Variants in PXDNL observed in about 807,000 individuals in gnomAD.
PXDNL encodes the protein peroxidasin like.
Under a neutral mutation model 150.8 loss-of-function variants are expected in PXDNL, and 145 were observed. The ratio of observed to expected loss-of-function variants is 0.96; its 90% CI spans 0.84 to 1.10. The LOEUF is 1.10. PXDNL is among the 50% of genes least tolerant of loss of function. PXDNL has a pLI of 0.00. For synonymous variants in PXDNL, 757 were observed against 725.7 expected (o/e 1.04, Z -0.69); for missense variants, 2,087 against 1,873.9 (o/e 1.11, Z -2.10).
At chr8:51,727,870 G>A (rs967048156) in intron 1 of PXDNL, among the ~76,000 whole-genome samples, 2 of 152,126 alleles carry the variant, frequency 1.3e-5, no homozygotes, top group African/African-American at 4.8e-5. Flanking sequence ...GGTTTTGACT[G>A]CTCCCAAGTT....
intron 17 of PXDNL, among the ~76,000 whole-genome samples, chr8:51,402,231 T>C (rs544258632): frequency 5.9e-5 from 9 of 152,268 alleles, no homozygotes; most frequent in Middle Eastern, 3.4e-3. Context: ...AGCTATTCTT[T>C]TAAGGAGCGG....
At chr8:51,563,978 G>T (rs1290794311) in intron 3 of PXDNL, among the ~76,000 whole-genome samples, 1 of 151,914 alleles carries the variant, frequency 6.6e-6, no homozygotes, top group African/African-American at 2.4e-5. Flanking sequence ...TTCAAAGTTG[G>T]AAAGTCATTT....
chr8:51,537,206 C>T (rs2130464391), intron 4 of PXDNL, among the ~76,000 whole-genome samples: 1 of 152,282 alleles, frequency 6.6e-6, no homozygotes, highest in East Asian at 1.9e-4. Flanking sequence ...TGCCAGCACC[C>T]TCCTCCTGAG....
intron 17 of PXDNL, among the ~76,000 whole-genome samples, chr8:51,381,120 T>A (rs973272711): frequency 6.6e-6 from 1 of 152,204 alleles, no homozygotes; most frequent in East Asian, 1.9e-4. Flanking sequence ...TATTTTAATA[T>A]CAAAATGTTA....
chr8:51,636,943 A>G (rs968205763), intron 2 of PXDNL, among the ~76,000 whole-genome samples: 5 of 150,784 alleles, frequency 3.3e-5, no homozygotes, highest in Admixed American at 6.6e-5. Context: ...GGTAACCCCC[A>G]GTAGGGGCAG....
chr8:51,495,346 C>T (rs1257204544), intron 5 of PXDNL, among the ~76,000 whole-genome samples: 6 of 152,074 alleles, frequency 3.9e-5, no homozygotes, highest in Non-Finnish European at 2.9e-5. Flanking sequence ...CTAAAATTGA[C>T]ACCCTAACAT....
At chr8:51,748,723 G>A (rs1258328019) in intron 1 of PXDNL, among the ~76,000 whole-genome samples, 1 of 152,214 alleles carries the variant, frequency 6.6e-6, no homozygotes, top group African/African-American at 2.4e-5. Flanking sequence ...GCCCACCCAA[G>A]TGTCCAGAAG....
chr8:51,452,337 G>T (rs903875358), intron 10 of PXDNL, among the ~76,000 whole-genome samples: 3 of 152,184 alleles, frequency 2.0e-5, no homozygotes, highest in African/African-American at 7.2e-5. Flanking sequence ...AAGACCTCAA[G>T]AAAATATTTC....
chr8:51,387,182 T>G (rs1266077009), intron 17 of PXDNL, among the ~76,000 whole-genome samples: 1 of 152,242 alleles, frequency 6.6e-6, no homozygotes, highest in Non-Finnish European at 1.5e-5. Context: ...ACTCTTACAA[T>G]TCTCCCTTTT....
chr8:51,424,199 CA>C (rs950437762), intron 13 of PXDNL, among the ~76,000 whole-genome samples: 11 of 150,042 alleles, frequency 7.3e-5, no homozygotes, highest in South Asian at 4.2e-4. Flanking sequence ...CCCATCCCTA[CA>C]AAAAAAAATA....
chr8:51,535,131 C>A (rs112468220), intron 4 of PXDNL, among the ~76,000 whole-genome samples: 1 of 125,980 alleles, frequency 7.9e-6, no homozygotes, highest in Non-Finnish European at 1.6e-5. Context: ...CCGCCCCATC[C>A]GGGAGGTGAG....
In PXDNL at chr8:51,486,784, A is replaced by T. The variant is rs1563433555; in HGVS notation, c.453-3070T>A. Among the ~76,000 whole-genome samples, 37 of 22,858 alleles carry T rather than the reference A, an allele frequency of 1.6e-3. 1 individual carries two copies. Among genetic ancestry groups the T allele is most frequent in the African/African-American group, 6.6e-3 (37 of 5,582 alleles). The allele number at this position is 22,858 out of a possible 152,430, so 15.0% of individuals were successfully genotyped here. A position where few individuals can be genotyped will look rare whatever the true frequency, so the allele number is the denominator to read the frequency against. ...TATATATATATATATATATATATAT[A>T]TATATATATATTTTTTTTTTTTTTT... On this transcript the variant is annotated intron_variant, in intron 5 of 22. Coordinates refer to ENST00000356297, the MANE Select transcript of PXDNL (RefSeq NM_144651.5).
At chr8:51,597,613 G>A (rs535911593) in intron 2 of PXDNL, among the ~76,000 whole-genome samples, 40 of 151,528 alleles carry the variant, frequency 2.6e-4, no homozygotes, top group African/African-American at 8.9e-4. Context: ...TCCTTGTAGA[G>A]GTCTTTCACT....
At chr8:51,600,698 TA>T (rs1334491154) in intron 2 of PXDNL, among the ~76,000 whole-genome samples, 1 of 135,888 alleles carries the variant, frequency 7.4e-6, no homozygotes, top group African/African-American at 2.7e-5. Flanking sequence ...AATTACATCT[TA>T]TATAAATTAT....
At chr8:51,399,786 T>G (rs1297706061) in intron 17 of PXDNL, among the ~76,000 whole-genome samples, 1 of 152,216 alleles carries the variant, frequency 6.6e-6, no homozygotes, top group Admixed American at 6.5e-5. Context: ...TTTGGGGATT[T>G]AAAGACGAAA....
In PXDNL at chr8:51,484,383, C is replaced by T. The variant is rs143310147; in HGVS notation, c.453-669G>A. ...TGGGCAGGCAGAGGTTTTAGTGAGC[C>T]GAGATTGCACCCCTACACTTCAGCC... On this transcript the variant is annotated intron_variant, in intron 5 of 22. Transcript: ENST00000356297. 1.5e-3 allele frequency among the ~76,000 whole-genome samples: 229 copies of T among 148,248 alleles called. 2 individuals are homozygous for T. Among genetic ancestry groups the T allele is most frequent in the African/African-American group, 5.4e-3 (218 of 40,192 alleles).
chr8:51,362,845 T>C (rs569134254), intron 19 of PXDNL, among the ~76,000 whole-genome samples: 1 of 152,334 alleles, frequency 6.6e-6, no homozygotes, highest in South Asian at 2.1e-4. Flanking sequence ...ACTATATATG[T>C]TAAGTGTATG....
intron 14 of PXDNL, among the ~76,000 whole-genome samples, chr8:51,420,008 G>C (rs1808905870): frequency 6.6e-6 from 1 of 152,074 alleles, no homozygotes; most frequent in Admixed American, 6.6e-5. Context: ...AAATCTTTTT[G>C]TTCTTTTGCT....
intron 17 of PXDNL, among the ~76,000 whole-genome samples, chr8:51,406,528 C>G (rs1029390616): frequency 3.3e-5 from 5 of 152,072 alleles, no homozygotes; most frequent in Admixed American, 2.0e-4. Flanking sequence ...CTCTTTAAAA[C>G]CCGTCCCCTA....
Sources: gnomAD v4.1 joint callset for allele counts (sites outside exome capture counted in the v4.1 genomes callset) on GRCh38, gnomAD v4.1.1 for gene constraint, MANE v1.5 for transcripts, NCBI Gene and HGNC (gene_info 2026-07-23, HGNC 2026-07-21) for gene names.